Variants in CNTN4 observed in about 807,000 individuals in gnomAD.
CNTN4 encodes the protein contactin-4.
A neutral mutation model predicts 122.5 loss-of-function variants in CNTN4; 77 were observed. The ratio of observed to expected loss-of-function variants is 0.63; its 90% CI spans 0.52 to 0.76. The LOEUF is 0.76. CNTN4 is among the 30% of genes least tolerant of loss of function. The pLI is 0.00. For missense variants in CNTN4, 1,256 were observed against 1,259.1 expected, an observed-to-expected ratio of 1.00 and a Z score of 0.04; for synonymous variants, 512 against 447.0, an observed-to-expected ratio of 1.15 and a Z score of -1.83.
At chr3:2,216,206 T>TA (rs1387466690) in intron 2 of CNTN4, among the ~76,000 whole-genome samples, 4 of 152,106 alleles carry the variant, frequency 2.6e-5, no homozygotes, top group Non-Finnish European at 5.9e-5. Context: ...TATGCAGCCA[T>TA]AAAAAAGGAT....
At chr3:2,344,316 C>T (rs2044319646) in intron 3 of CNTN4, among the ~76,000 whole-genome samples, 1 of 149,740 alleles carries the variant, frequency 6.7e-6, no homozygotes, top group African/African-American at 2.5e-5. Flanking sequence ...AGCTCTGTTG[C>T]CCAGGCTGGA....
rs190833299 is a variant in CNTN4 at position 2,129,550 on chromosome 3, G to A, written c.-145+28911G>A. Among the ~76,000 whole-genome samples, 11 of 152,036 alleles carry A rather than the reference G, an allele frequency of 7.2e-5. No individual in the cohort carries two copies. In the East Asian group the frequency reaches 2.1e-3, roughly 30 times the overall value. The stretch of plus-strand genomic sequence containing the variant: ...CTTTGACTTGAACTTCTTCTAACAG[G>A]CCTTATTTTCCCTGAGTATGTTTCT... On this transcript the variant is annotated intron_variant, in intron 2 of 24. Transcript: ENST00000418658.
At chr3:2,601,144 T>G (rs576959511) in intron 4 of CNTN4, among the ~76,000 whole-genome samples, 2 of 152,324 alleles carry the variant, frequency 1.3e-5, no homozygotes, top group East Asian at 3.9e-4. Context: ...TCTCCCATTC[T>G]GTAGGTTGCC....
At chr3:3,033,610 T>G in intron 16 of CNTN4, among the ~76,000 whole-genome samples, 1 of 152,198 alleles carries the variant, frequency 6.6e-6, no homozygotes, top group East Asian at 1.9e-4. Flanking sequence ...AACATCTCCT[T>G]ATGCCCGTCT....
rs35490546 is a variant in CNTN4, at chr3:2,988,364, G to A, written c.1378G>A (p.Gly460Arg). The A allele has an allele frequency of 1.5e-5, 25 of 1,613,502 alleles. No homozygotes were observed. In the African/African-American group the frequency reaches 3.3e-4, roughly 22 times the overall value. The change falls in exon 14 of 25, where the codon GGA becomes AGA. Residue 460 changes from glycine (G) to arginine (R), a missense_variant. By Grantham distance (125) the Gly-to-Arg change is moderately radical (BLOSUM62 -2). Transcript: ENST00000418658. ...ENERITISED[G>R]NLRIINVTKS... ...TTTCAGAATTACCATTTCTGAAGAT[G>A]GAAACCTCAGAATCATCAACGTTAC...
intron 4 of CNTN4, among the ~76,000 whole-genome samples, chr3:2,600,280 C>A (rs115473534): frequency 6.6e-6 from 1 of 151,654 alleles, no homozygotes; most frequent in Non-Finnish European, 1.5e-5. Context: ...TGTATACACA[C>A]GCCATGTTGT....
chr3:2,197,050 GAA>G (rs756328918), intron 2 of CNTN4, among the ~76,000 whole-genome samples: 3 of 87,114 alleles, frequency 3.4e-5, no homozygotes, highest in African/African-American at 4.1e-5. Context: ...GGTCTCACCA[GAA>G]AAAAAAAAAA....
At chr3:2,915,326 A>T (rs2094341970) in intron 12 of CNTN4, among the ~76,000 whole-genome samples, 1 of 152,226 alleles carries the variant, frequency 6.6e-6, no homozygotes, top group Non-Finnish European at 1.5e-5. Flanking sequence ...TTGGCCTCCC[A>T]AAGTGCTGGG....
chr3:2,227,330 T>C (rs955273752), intron 2 of CNTN4, among the ~76,000 whole-genome samples: 2 of 152,180 alleles, frequency 1.3e-5, no homozygotes, highest in Admixed American at 6.5e-5. Context: ...CCAAACTCTT[T>C]AATTTGATGC....
At position 3,012,982 on chromosome 3, in the gene CNTN4, T is replaced by TA. The variant is rs201842133; in HGVS notation, c.1487-13112dup. 2.2e-3 allele frequency among the ~76,000 whole-genome samples: 340 copies of TA among 151,600 alleles called. 6 individuals carry two copies. Among genetic ancestry groups the TA allele is most frequent in the East Asian group, 0.018 (92 of 5,132 alleles). ...AAATTCCATCTAAAAAATAAAAAAA[T>TA]AAAAAAAACCCTTTGTATTAATTCA... On this transcript the variant is annotated intron_variant, in intron 14 of 24. Transcript: ENST00000418658.
chr3:2,879,135 G>A (rs2093878788), intron 8 of CNTN4, among the ~76,000 whole-genome samples: 1 of 152,146 alleles, frequency 6.6e-6, no homozygotes, highest in African/African-American at 2.4e-5. Flanking sequence ...TCATGGTAGG[G>A]TAAGATGGGC....
chr3:2,406,446 A>C (rs2047039483), intron 3 of CNTN4, among the ~76,000 whole-genome samples: 1 of 152,212 alleles, frequency 6.6e-6, no homozygotes, highest in Non-Finnish European at 1.5e-5. Context: ...ATCACAATAC[A>C]AGAAGAGGAT....
At chr3:2,629,462 T>C (rs531272226) in intron 4 of CNTN4, 9 of 390,894 alleles carry the variant, frequency 2.3e-5, no homozygotes, top group Non-Finnish European at 4.0e-5. Context: ...GATCACCACT[T>C]GGTTTCTGAA....
chr3:2,942,146 C>G (rs1014974698), intron 13 of CNTN4, among the ~76,000 whole-genome samples: 2 of 152,124 alleles, frequency 1.3e-5, no homozygotes, highest in Non-Finnish European at 2.9e-5. Flanking sequence ...GGGCTTTAGT[C>G]AATAAGTGTT....
chr3:2,269,505 C>G (rs1331710134), intron 2 of CNTN4, among the ~76,000 whole-genome samples: 1 of 152,092 alleles, frequency 6.6e-6, no homozygotes, highest in Non-Finnish European at 1.5e-5. Flanking sequence ...CCATTTTAAT[C>G]TCTCAGAAGA....
chr3:2,430,219 T>C (rs936077753), intron 3 of CNTN4, among the ~76,000 whole-genome samples: 7 of 151,836 alleles, frequency 4.6e-5, no homozygotes, highest in African/African-American at 1.5e-4. Context: ...GTCAGGAGAT[T>C]GAGACCATCC....
At chr3:2,834,599 A>T (rs540266468) in intron 7 of CNTN4, among the ~76,000 whole-genome samples, 1 of 152,306 alleles carries the variant, frequency 6.6e-6, no homozygotes, top group East Asian at 1.9e-4. Flanking sequence ...ACAACAAAGA[A>T]GCTGTAATCT....
intron 3 of CNTN4, among the ~76,000 whole-genome samples, chr3:2,377,975 A>T (rs562946159): frequency 1.3e-5 from 2 of 152,214 alleles, no homozygotes; most frequent in Non-Finnish European, 2.9e-5. Flanking sequence ...ACAAGTGCTA[A>T]CAACTGTTGT....
chr3:2,324,226 G>T (rs1480007181), intron 2 of CNTN4, among the ~76,000 whole-genome samples: 1 of 152,110 alleles, frequency 6.6e-6, no homozygotes, highest in Non-Finnish European at 1.5e-5. Flanking sequence ...CTAATTCAAA[G>T]AGGCTTAGGG....
Sources: gnomAD v4.1 joint callset for allele counts (sites outside exome capture counted in the v4.1 genomes callset) on GRCh38, gnomAD v4.1.1 for gene constraint, MANE v1.5 for transcripts, NCBI Gene and HGNC (gene_info 2026-07-23, HGNC 2026-07-21) for gene names.